EPHB4: variants seen among roughly 807,000 people sequenced by gnomAD.
The protein encoded by EPHB4 is ephrin type-B receptor 4.
A neutral mutation model predicts 110.6 loss-of-function variants in EPHB4; 50 were observed. The observed-to-expected ratio is 0.45, with a 90% CI of 0.36 to 0.57. The LOEUF (loss-of-function observed/expected upper bound fraction) is 0.57. Among genes scored for constraint, EPHB4 ranks in the 20% least tolerant of loss-of-function variants. The pLI is 0.00. For synonymous variants in EPHB4, 592 were observed against 578.4 expected (o/e 1.02, Z -0.34); for missense variants, 1,128 against 1,382.1 (o/e 0.82, Z 2.91).
At chr7:100,821,816 G>A (rs1813242160) in intron 4 of EPHB4, among the ~76,000 whole-genome samples, 1 of 151,738 alleles carries the variant, frequency 6.6e-6, no homozygotes, top group Non-Finnish European at 1.5e-5. Flanking sequence ...TGCTACAACT[G>A]CAGGTGGAAT....
intron 4 of EPHB4, chr7:100,820,581 A>AG: frequency 3.8e-6 from 1 of 261,404 alleles, no homozygotes; most frequent in Middle Eastern, 1.2e-3. Flanking sequence ...CTCTCTCCAG[A>AG]GAAGGGGTCC....
intron 8 of EPHB4, 93 bp from the exon 9 acceptor site, chr7:100,814,114 A>C: frequency 7.2e-7 from 1 of 1,396,194 alleles, no homozygotes; most frequent in Non-Finnish European, 9.9e-7. Flanking sequence ...ATCTCCTGAG[A>C]ACAGGTCCCC....
At chr7:100,803,783 G>A (rs942714685) in intron 16 of EPHB4, among the ~76,000 whole-genome samples, 193 bp from the exon 17 acceptor site, 2 of 152,222 alleles carry the variant, frequency 1.3e-5, no homozygotes, top group Admixed American at 6.5e-5. Flanking sequence ...TGCAACCGCA[G>A]AAGGGGGTAG....
intron 12 of EPHB4, among the ~76,000 whole-genome samples, chr7:100,808,104 G>A (rs1812855138): frequency 6.6e-6 from 1 of 152,140 alleles, no homozygotes; most frequent in South Asian, 2.1e-4. Context: ...TGCTTCAATG[G>A]TAAGCATTCA....
intron 1 of EPHB4, chr7:100,826,709 T>C (rs544261446): frequency 1.4e-4 from 55 of 390,912 alleles, no homozygotes; most frequent in African/African-American, 1.0e-3. Flanking sequence ...GCGTATGTAA[T>C]CAGCAGTGAG....
chr7:100,820,317 A>G (rs373387620), intron 4 of EPHB4, 21 bp from the exon 5 acceptor site: 40 of 1,610,698 alleles, frequency 2.5e-5, no homozygotes, highest in Non-Finnish European at 1.4e-5. Flanking sequence ...GAAAGCATTC[A>G]TCAAAAGCAT....
At position 100,806,586 on chromosome 7, in the gene EPHB4, A is replaced by C. The variant is rs757837205; in HGVS notation, c.2335-17T>G. ...CTTTCCTCCCTGCAGAAAAAGGAGAAAAGGTGAGCTGGGGGACTCACTGAG... is the reference window on the plus strand; with the variant it reads ...CTTTCCTCCCTGCAGAAAAAGGAGACAAGGTGAGCTGGGGGACTCACTGAG... On this transcript the variant is annotated splice_polypyrimidine_tract_variant and intron_variant, in intron 13 of 16. Coordinates refer to ENST00000358173, the MANE Select transcript of EPHB4 (RefSeq NM_004444.5). 1 of 1,608,928 alleles carries C rather than the reference A, an allele frequency of 6.2e-7. No individual in the cohort carries two copies. Among genetic ancestry groups the C allele is most frequent in the Middle Eastern group, 1.7e-4 (1 of 6,030 alleles).
rs765754497 is a variant in EPHB4, at chr7:100,823,847, C to T, written c.208G>A (p.Ala70Thr). 3 of 1,612,932 alleles carry T rather than the reference C, an allele frequency of 1.9e-6. No individual in the cohort carries two copies. The highest frequency in any genetic ancestry group is 2.5e-6 in the Non-Finnish European group (3 of 1,179,776). Residue 70 changes from alanine to threonine, a missense_variant, in exon 3 of 17, where the codon GCC becomes ACC. By Grantham distance (58) the Ala-to-Thr change is moderately conservative. Around this residue, in one of 3 missense-constraint regions of EPHB4, gnomAD observed 728 missense variants for 828.6 expected, o/e 0.88. Transcript: ENST00000358173. ...ACCCAACCTGTGCGAAGCCAGTGGG[C>T]CTGGCCCGGGGCACGCTGCACGTCA... is the stretch of plus-strand genomic sequence containing the variant. The part of the protein sequence containing the change: ...VCDVQRAPGQ[A>T]HWLRTGWVPR...
chr7:100,804,315 T>C (rs1440056626), intron 16 of EPHB4, among the ~76,000 whole-genome samples: 3 of 137,300 alleles, frequency 2.2e-5, no homozygotes, highest in African/African-American at 2.8e-5. Context: ...TTTCTTTTTT[T>C]TTTTTTTTTT....
intron 2 of EPHB4, 130 bp from the exon 3 acceptor site, chr7:100,824,061 G>T: frequency 6.6e-7 from 1 of 1,521,016 alleles, no homozygotes; most frequent in Non-Finnish European, 8.9e-7. Flanking sequence ...GCGCCTCTGA[G>T]AAGGGCTCAG....
chr7:100,817,198 G>C lies in EPHB4; in HGVS notation c.1582C>G (p.Leu528Val), dbSNP rs749734111. 51 of 1,557,452 alleles carry C rather than the reference G, an allele frequency of 3.3e-5. No homozygotes were observed. The highest frequency in any genetic ancestry group is 4.2e-5 in the African/African-American group (3 of 71,556). ...FGQEHHSQTQ[L>V]DESEGWREQL... Reference sequence around the variant, plus strand: ...CCCCCTTCCCCAGGCTCACCATCCAGTTGGGTCTGGCTGTGATGTTCCTGG... The same window carrying C: ...CCCCCTTCCCCAGGCTCACCATCCACTTGGGTCTGGCTGTGATGTTCCTGG... The change falls in exon 8 of 17, where the codon CTG (leucine) becomes GTG (valine). Residue 528 changes from leucine (L) to valine (V), a missense_variant. Physicochemically the swap from Leu to Val is conservative, Grantham distance 32. This residue lies in a region of EPHB4 where 728 missense variants were observed against 828.6 expected (regional missense o/e 0.88). Transcript: ENST00000358173.
chr7:100,817,236 T>C lies in EPHB4; in HGVS notation c.1544A>G (p.Tyr515Cys). ...GTGATGTTCCTGGCCGAAGGGCCCG[T>C]AGCCGGCCTCAGAGCGCGCCCGTAC... is the stretch of plus-strand genomic sequence containing the variant. ...VQVRARSEAG[Y>C]GPFGQEHHSQ... The change falls in exon 8 of 17, where the codon TAC becomes TGC. Residue 515 changes from tyrosine to cysteine, a missense_variant. Tyr to Cys is a radical substitution (Grantham distance 194, BLOSUM62 -2). Coordinates refer to ENST00000358173, the MANE Select transcript of EPHB4 (RefSeq NM_004444.5). 2.5e-6 allele frequency: 4 copies of C among 1,601,960 alleles called. No individual in the cohort carries two copies. Among genetic ancestry groups the C allele is most frequent in the South Asian group, 1.1e-5 (1 of 89,392 alleles).
Position 100,822,229 on chromosome 7 carries a change from C to T in EPHB4, c.808+42G>A. On this transcript the variant is annotated intron_variant, in intron 4 of 16. Transcript: ENST00000358173. This position sits in a 1 kb window ranked among gnomAD's most constrained non-coding sequence, Gnocchi z 4.7. ...GTCCTGAGTGGAGTTCAGGACTCTC[C>T]CCCGGATGAGCAGCAGTCGCAGGGG... 1 of 1,533,906 alleles carries T rather than the reference C, an allele frequency of 6.5e-7. No homozygotes were observed. Among genetic ancestry groups the T allele is most frequent in the South Asian group, 1.2e-5 (1 of 82,386 alleles).
rs1488779034 is a variant in EPHB4 at position 100,813,621 on chromosome 7, C to A, written c.1756+31G>T. ...AGGAGCCACCACACCCGGCCCCAAG[C>A]CCCTATTCCCATCAAATTAGGGCAA... is the stretch of plus-strand genomic sequence containing the variant. On this transcript the variant is annotated intron_variant, in intron 10 of 16. Coordinates refer to ENST00000358173, the MANE Select transcript of EPHB4 (RefSeq NM_004444.5). 9 of 1,612,388 alleles carry A rather than the reference C, an allele frequency of 5.6e-6. No individual in the cohort carries two copies. The Admixed American group carries it at 1.5e-4, about 27-fold the overall frequency.
intron 8 of EPHB4, among the ~76,000 whole-genome samples, chr7:100,816,765 G>A (rs1813078320): frequency 6.6e-6 from 1 of 152,080 alleles, no homozygotes; most frequent in African/African-American, 2.4e-5. Flanking sequence ...GGCATGCCAT[G>A]TGATCCACAG....
intron 1 of EPHB4, 53 bp from the exon 2 acceptor site, chr7:100,824,326 G>A (rs1813318652): frequency 6.3e-7 from 1 of 1,590,420 alleles, no homozygotes; most frequent in Non-Finnish European, 8.6e-7. Flanking sequence ...AGGGAGGTCA[G>A]GAAGACCAGA....
chr7:100,820,073 T>C (rs1489126131), intron 5 of EPHB4, 68 bp downstream of exon 5: 7 of 1,570,816 alleles, frequency 4.5e-6, no homozygotes, highest in South Asian at 1.2e-5. Flanking sequence ...ATGGGGGCCA[T>C]GTGAGGGTCC....
At chr7:100,823,341 G>A (rs1469833977) in intron 3 of EPHB4, among the ~76,000 whole-genome samples, 1 of 152,168 alleles carries the variant, frequency 6.6e-6, no homozygotes, top group Non-Finnish European at 1.5e-5. Flanking sequence ...AACCAGCCAG[G>A]TGCAGTCAGG....
At chr7:100,806,871 T>C (rs1200262751) in intron 13 of EPHB4, among the ~76,000 whole-genome samples, 1 of 152,184 alleles carries the variant, frequency 6.6e-6, no homozygotes, top group African/African-American at 2.4e-5. Context: ...GGTTTTCCCA[T>C]GTTGGCCAGG....
Sources: allele counts gnomAD v4.1 joint callset (sites outside exome capture counted in the v4.1 genomes callset), GRCh38; gene constraint gnomAD v4.1.1; regional missense constraint gnomAD v4.1.1; non-coding constraint Gnocchi (gnomAD v3.1); transcripts MANE v1.5; gene names NCBI Gene and HGNC (gene_info 2026-07-23, HGNC 2026-07-21).